The following DPH6 variants were observed in gnomAD, a reference collection of about 807,000 sequenced individuals.
The protein encoded by DPH6 is diphthamine biosynthesis 6.
Under a neutral mutation model 38.2 loss-of-function variants are expected in DPH6, and 33 were observed. The observed-to-expected ratio is 0.86, with a 90% confidence interval of 0.65 to 1.15. DPH6 has a LOEUF of 1.15. Ranked by LOEUF, DPH6 falls within the 50% of genes most tolerant of loss-of-function variation. The pLI, the probability that DPH6 is intolerant of heterozygous loss-of-function variation, is 0.00. For synonymous variants in DPH6, 108 were observed against 103.0 expected, an observed-to-expected ratio of 1.05 and a Z score of -0.30; for missense variants, 325 against 320.0, an observed-to-expected ratio of 1.02 and a Z score of -0.12.
chr15:35,468,073 T>A lies in DPH6; in HGVS notation c.313-13253A>T, dbSNP rs544783296. On this transcript the variant is annotated intron_variant, in intron 3 of 8. Coordinates refer to ENST00000256538, the MANE Select transcript of DPH6 (RefSeq NM_080650.4). The stretch of plus-strand genomic sequence containing the variant: ...TCATAAAACTGAATTTCTTGAAAAA[T>A]ATTTCATTGGATACAAGTAAGGCTA... Among the ~76,000 whole-genome samples the A allele has an allele frequency of 2.6e-5, 4 of 152,296 alleles. No individual in the cohort carries two copies. In the East Asian group the frequency reaches 7.7e-4, roughly 29 times the overall value.
At chr15:35,472,440 G>T (rs1447479920) in intron 3 of DPH6, among the ~76,000 whole-genome samples, 1 of 152,138 alleles carries the variant, frequency 6.6e-6, no homozygotes, top group Non-Finnish European at 1.5e-5. Flanking sequence ...GGCAGAGAGA[G>T]AGGGAAGAAC....
intron 1 of DPH6, among the ~76,000 whole-genome samples, chr15:35,545,551 A>G (rs913950163): frequency 6.6e-6 from 1 of 152,240 alleles, no homozygotes; most frequent in African/African-American, 2.4e-5. Context: ...CACACATGCC[A>G]TAAGCAATCC....
At chr15:35,151,660 G>A in the DPH6 span, among the ~76,000 whole-genome samples, 1 of 152,216 alleles carries the variant, frequency 6.6e-6, no homozygotes, top group African/African-American at 2.4e-5. Flanking sequence ...GTGAGTTTAA[G>A]TGTGCACCTG....
chr15:35,272,777 G>A (rs1016087422), intron 3 of DPH6, among the ~76,000 whole-genome samples: 16 of 151,956 alleles, frequency 1.1e-4, no homozygotes, highest in South Asian at 1.0e-3. Context: ...GCATGGTGGC[G>A]CATGCCTTAA....
chr15:35,228,628 T>A (rs2051498150), intron 3 of DPH6, among the ~76,000 whole-genome samples: 1 of 152,208 alleles, frequency 6.6e-6, no homozygotes, highest in South Asian at 2.1e-4. Context: ...GGTTTCAGCA[T>A]GTTGCCCAGG....
intron 3 of DPH6, among the ~76,000 whole-genome samples, chr15:35,364,376 G>A (rs1417546876): frequency 2.6e-5 from 4 of 151,958 alleles, no homozygotes; most frequent in African/African-American, 9.7e-5. Flanking sequence ...GTAAGTTGCA[G>A]ACATTACTCT....
At chr15:35,237,321 G>A (rs2051560318) in intron 3 of DPH6, 15 of 1,587,622 alleles carry the variant, frequency 9.4e-6, no homozygotes, top group South Asian at 3.3e-5. Flanking sequence ...CAGAGAACGC[G>A]AGAGATGAAG....
At chr15:35,354,884 G>T (rs138518703) in intron 3 of DPH6, among the ~76,000 whole-genome samples, 1 of 152,090 alleles carries the variant, frequency 6.6e-6, no homozygotes, top group Non-Finnish European at 1.5e-5. Context: ...TGACAGTGAG[G>T]TGTTAAAGTC....
At chr15:35,504,753 T>C (rs2054672661) in intron 3 of DPH6, among the ~76,000 whole-genome samples, 1 of 152,094 alleles carries the variant, frequency 6.6e-6, no homozygotes, top group Non-Finnish European at 1.5e-5. Flanking sequence ...TGTTTGCCTA[T>C]GAAATGCCTC....
chr15:35,301,263 G>A (rs1042091584), intron 3 of DPH6, among the ~76,000 whole-genome samples: 1 of 152,258 alleles, frequency 6.6e-6, no homozygotes, highest in Non-Finnish European at 1.5e-5. Context: ...GTGAAAGGAG[G>A]AGCTATTGAT....
intron 3 of DPH6, among the ~76,000 whole-genome samples, chr15:35,498,897 C>T (rs978503482): frequency 6.9e-6 from 1 of 145,234 alleles, no homozygotes; most frequent in South Asian, 2.2e-4. Flanking sequence ...TACTTGATGC[C>T]AGGACTTTGA....
At chr15:35,513,057 G>A (rs958794441) in intron 3 of DPH6, among the ~76,000 whole-genome samples, 3 of 151,784 alleles carry the variant, frequency 2.0e-5, no homozygotes, top group Admixed American at 2.0e-4. Context: ...AGATTTTCAC[G>A]GCATAGAAAA....
At chr15:35,432,829 G>C (rs1013261927) in intron 5 of DPH6, among the ~76,000 whole-genome samples, 8 of 152,148 alleles carry the variant, frequency 5.3e-5, no homozygotes, top group African/African-American at 1.9e-4. Context: ...GACACAAAGA[G>C]GGGAACAATA....
intron 3 of DPH6, among the ~76,000 whole-genome samples, chr15:35,504,183 C>T (rs2054664359): frequency 6.6e-6 from 1 of 152,020 alleles, no homozygotes; most frequent in Non-Finnish European, 1.5e-5. Context: ...CCATTACTTA[C>T]AGAATGGGGT....
chr15:35,428,976 A>C (rs2053601145), intron 5 of DPH6, among the ~76,000 whole-genome samples: 2 of 152,166 alleles, frequency 1.3e-5, no homozygotes, highest in Admixed American at 6.5e-5. Context: ...CATATTATAA[A>C]ATTTCTGAAG....
chr15:35,223,641 G>T (rs1045180809), intron 3 of DPH6, among the ~76,000 whole-genome samples: 2 of 151,834 alleles, frequency 1.3e-5, no homozygotes, highest in African/African-American at 4.8e-5. Context: ...AGCGGAGATC[G>T]CGCCACTGCA....
At chr15:35,487,287 C>G (rs549476192) in intron 3 of DPH6, among the ~76,000 whole-genome samples, 3 of 152,232 alleles carry the variant, frequency 2.0e-5, no homozygotes, top group Admixed American at 2.0e-4. Flanking sequence ...GGGGTTTCAA[C>G]CCCACATTTC....
chr15:35,298,154 A>T (rs1422267825), intron 3 of DPH6: 1 of 396,362 alleles, frequency 2.5e-6, no homozygotes, highest in Non-Finnish European at 4.8e-6. Flanking sequence ...TCAGTATGCA[A>T]CAGTCATGGA....
the DPH6 span, among the ~76,000 whole-genome samples, chr15:35,156,135 T>TA: frequency 9.2e-6 from 1 of 108,504 alleles, no homozygotes; most frequent in South Asian, 3.1e-4. Flanking sequence ...TTTCTCATAT[T>TA]AAATATGAAA....
Sources: allele counts gnomAD v4.1 joint callset (sites outside exome capture counted in the v4.1 genomes callset), GRCh38; gene constraint gnomAD v4.1.1; transcripts MANE v1.5; gene names NCBI Gene and HGNC (gene_info 2026-07-23, HGNC 2026-07-21).